MPHOSPH6: variants seen among roughly 807,000 people sequenced by gnomAD.
MPHOSPH6 encodes the protein M-phase phosphoprotein 6.
A neutral mutation model predicts 21.8 loss-of-function variants in MPHOSPH6; 25 were observed. The ratio of observed to expected loss-of-function variants is 1.15; its 90% CI spans 0.83 to 1.60. The LOEUF (loss-of-function observed/expected upper bound fraction) is 1.60. MPHOSPH6 is among the 40% of genes most tolerant of loss of function. The probability of loss-of-function intolerance (pLI) is 0.00; values close to 1 mark genes in which losing one functional copy is unlikely to be tolerated. For missense variants in MPHOSPH6, 269 were observed against 181.8 expected, an observed-to-expected ratio of 1.48 and a Z score of -2.76; for synonymous variants, 84 against 56.5, an observed-to-expected ratio of 1.49 and a Z score of -2.18.
intron 3 of MPHOSPH6, among the ~76,000 whole-genome samples, 192 bp from the exon 4 acceptor site, chr16:82,149,595 A>G (rs1227632838): frequency 4.6e-5 from 7 of 152,234 alleles, no homozygotes. Context: ...AAAAAATAGT[A>G]AGGCAAAGCC....
In MPHOSPH6 at chr16:82,154,364, T is replaced by C. The variant is rs550502498; in HGVS notation, c.165-2850A>G. Among the ~76,000 whole-genome samples, 11 of 152,150 alleles carry C rather than the reference T, an allele frequency of 7.2e-5. No homozygotes were observed. In the South Asian group the frequency reaches 1.9e-3, roughly 26 times the overall value. On this transcript the variant is annotated intron_variant, in intron 2 of 4. Coordinates refer to ENST00000258169, the MANE Select transcript of MPHOSPH6 (RefSeq NM_005792.2). ...TAATGAAACAAAATTCAACACTCTA[T>C]TAAGAAAAATAACAAAATCCAGGTA...
intron 3 of MPHOSPH6, among the ~76,000 whole-genome samples, chr16:82,149,988 C>G (rs1268066314): frequency 6.0e-5 from 9 of 151,014 alleles, no homozygotes; most frequent in Non-Finnish European, 1.3e-4. Context: ...TCACATAAAC[C>G]TTTTTGTGAT....
At chr16:82,160,643 T>C (rs1289649063) in intron 2 of MPHOSPH6, among the ~76,000 whole-genome samples, 1 of 152,212 alleles carries the variant, frequency 6.6e-6, no homozygotes, top group African/African-American at 2.4e-5. Flanking sequence ...GCTCAGGAGA[T>C]CTCAGCTATG....
intron 2 of MPHOSPH6, among the ~76,000 whole-genome samples, chr16:82,155,201 C>T (rs1906390705): frequency 6.6e-6 from 1 of 152,308 alleles, no homozygotes; most frequent in East Asian, 1.9e-4. Flanking sequence ...GACCACTGAT[C>T]AGGGGCATTG....
rs571637127 is a variant in MPHOSPH6 at position 82,160,784 on chromosome 16, C to G, written c.164+3298G>C. On this transcript the variant is annotated intron_variant, in intron 2 of 4. Transcript: ENST00000258169. ...TTGCTGTACAGTAAGTCCTTTGTTTCTGATGGTGTTCAGGAGACACTACTC... is the reference window on the plus strand; with the variant it reads ...TTGCTGTACAGTAAGTCCTTTGTTTGTGATGGTGTTCAGGAGACACTACTC... Among the ~76,000 whole-genome samples, 8 of 152,226 alleles carry G rather than the reference C, an allele frequency of 5.3e-5. No homozygotes were observed. In the East Asian group the frequency reaches 1.5e-3, roughly 29 times the overall value.
At chr16:82,153,785 C>G (rs954272571) in intron 2 of MPHOSPH6, among the ~76,000 whole-genome samples, 14 of 152,146 alleles carry the variant, frequency 9.2e-5, no homozygotes, top group African/African-American at 2.9e-4. Flanking sequence ...GCTGCTGTAA[C>G]AAATTTAAGC....
intron 2 of MPHOSPH6, among the ~76,000 whole-genome samples, chr16:82,162,502 C>T (rs1906638100): frequency 6.6e-6 from 1 of 152,206 alleles, no homozygotes. Context: ...TGACCTTGGG[C>T]TGGCCGTACC....
At chr16:82,163,276 C>T (rs551393864) in intron 2 of MPHOSPH6, among the ~76,000 whole-genome samples, 2 of 152,318 alleles carry the variant, frequency 1.3e-5, no homozygotes, top group African/African-American at 4.8e-5. Flanking sequence ...TTAAGTAAAA[C>T]TACCATACAA....
chr16:82,168,301 A>C (rs554041602), intron 1 of MPHOSPH6, among the ~76,000 whole-genome samples: 1 of 152,286 alleles, frequency 6.6e-6, no homozygotes, highest in South Asian at 2.1e-4. Flanking sequence ...ACCAACCATA[A>C]AATCAAACTC....
At chr16:82,166,763 T>G (rs780337980) in intron 1 of MPHOSPH6, among the ~76,000 whole-genome samples, 1 of 152,222 alleles carries the variant, frequency 6.6e-6, no homozygotes, top group African/African-American at 2.4e-5. Flanking sequence ...CTAATATTCC[T>G]CGTGGTAAAA....
intron 2 of MPHOSPH6, 189 bp downstream of exon 2, chr16:82,163,893 A>C: frequency 2.0e-6 from 1 of 496,638 alleles, no homozygotes; most frequent in Non-Finnish European, 3.5e-6. Flanking sequence ...TGGGAGGGGG[A>C]GTAGTAAAAA....
chr16:82,162,016 A>T (rs961967048), intron 2 of MPHOSPH6, among the ~76,000 whole-genome samples: 1 of 152,250 alleles, frequency 6.6e-6, no homozygotes, highest in African/African-American at 2.4e-5. Flanking sequence ...AACATAAGTG[A>T]GTAGAAAGGA....
intron 2 of MPHOSPH6, among the ~76,000 whole-genome samples, chr16:82,162,513 C>T (rs928896971): frequency 6.6e-6 from 1 of 152,206 alleles, no homozygotes; most frequent in Non-Finnish European, 1.5e-5. Flanking sequence ...TGGCCGTACC[C>T]GTGAATGGAG....
chr16:82,165,114 C>CTTTT (rs1418457856), intron 1 of MPHOSPH6, among the ~76,000 whole-genome samples: 1,249 of 63,820 alleles, frequency 0.02, 330 homozygotes, highest in African/African-American at 0.071. Context: ...TCCGATATTT[C>CTTTT]TTTTTTATTT....
Position 82,170,156 on chromosome 16 carries a change from G to A in MPHOSPH6, c.20C>T (p.Thr7Ile), listed in dbSNP as rs1458118907. The A allele has an allele frequency of 3.8e-6, 6 of 1,595,198 alleles. No individual in the cohort carries two copies. Among genetic ancestry groups the A allele is most frequent in the Admixed American group, 1.7e-5 (1 of 58,108 alleles). Residue 7 changes from threonine to isoleucine, a missense_variant, in exon 1 of 5, where the codon ACA (threonine) becomes ATA (isoleucine). By Grantham distance (89) the Thr-to-Ile change is moderately conservative. Coordinates refer to ENST00000258169, the MANE Select transcript of MPHOSPH6 (RefSeq NM_005792.2). MAAERK[T>I]RLSKNLLRMK... is the part of the protein sequence containing the mutation. ...GCGCAGTAGATTCTTGGACAACCTT[G>A]TCTTTCGCTCGGCCGCCATGGTAGC...
rs1236431887 is a variant in MPHOSPH6 at position 82,170,193 on chromosome 16, G to A, written c.-18C>T. On this transcript the variant is annotated 5_prime_UTR_variant, in exon 1 of 5. Coordinates refer to ENST00000258169, the MANE Select transcript of MPHOSPH6 (RefSeq NM_005792.2). ...GCCGCCATGGTAGCTTCCGCCCAGCGCCGCACTCCGGCCGCGAGCCTCACC... is the reference window on the plus strand; with the variant it reads ...GCCGCCATGGTAGCTTCCGCCCAGCACCGCACTCCGGCCGCGAGCCTCACC... 1.3e-6 allele frequency: 2 copies of A among 1,568,288 alleles called. No homozygotes were observed. The highest frequency in any genetic ancestry group is 1.7e-6 in the Non-Finnish European group (2 of 1,160,104).
At chr16:82,167,859 G>T (rs1025364912) in intron 1 of MPHOSPH6, among the ~76,000 whole-genome samples, 3 of 152,178 alleles carry the variant, frequency 2.0e-5, no homozygotes, top group Admixed American at 6.5e-5. Flanking sequence ...TACAGGTCAT[G>T]GACTGGTGCT....
chr16:82,148,927 A>T, intron 4 of MPHOSPH6, 64 bp from the exon 5 acceptor site: 1 of 1,571,648 alleles, frequency 6.4e-7, no homozygotes, highest in South Asian at 1.2e-5. Context: ...AAGCCTTGTC[A>T]AGAATATCAG....
At chr16:82,155,296 C>A (rs968205814) in intron 2 of MPHOSPH6, among the ~76,000 whole-genome samples, 1 of 152,138 alleles carries the variant, frequency 6.6e-6, no homozygotes, top group African/African-American at 2.4e-5. Flanking sequence ...CTACTCTTGT[C>A]GTTTCTATTC....
Sources: gnomAD v4.1 joint callset for allele counts (sites outside exome capture counted in the v4.1 genomes callset) on GRCh38, gnomAD v4.1.1 for gene constraint, MANE v1.5 for transcripts, NCBI Gene and HGNC (gene_info 2026-07-23, HGNC 2026-07-21) for gene names.